The following CCDC102B variants were observed in gnomAD, a reference collection of about 807,000 sequenced individuals.
CCDC102B encodes coiled-coil domain containing 102B, also known as coiled-coil domain-containing protein 102B.
A neutral mutation model predicts 57.4 loss-of-function variants in CCDC102B; 75 were observed. The observed-to-expected ratio is 1.31, with a 90% confidence interval of 1.08 to 1.58. The LOEUF is 1.58. CCDC102B is among the 40% of genes most tolerant of loss of function. The pLI is 0.00. For synonymous variants in CCDC102B, 206 were observed against 201.9 expected (o/e 1.02, Z -0.17); for missense variants, 636 against 582.6 (o/e 1.09, Z -0.94).
At chr18:68,807,720 C>G (rs1423477847) in intron 1 of CCDC102B, among the ~76,000 whole-genome samples, 6 of 152,052 alleles carry the variant, frequency 3.9e-5, no homozygotes, top group Non-Finnish European at 8.8e-5. Flanking sequence ...AGACAAACAA[C>G]TATGCAAAAA....
chr18:68,802,396 G>A (rs192132995), intron 1 of CCDC102B, among the ~76,000 whole-genome samples: 65 of 152,236 alleles, frequency 4.3e-4, no homozygotes, highest in African/African-American at 1.3e-3. Flanking sequence ...CAATTATGTC[G>A]TGCTACAAGT....
upstream of CCDC102B, among the ~76,000 whole-genome samples, chr18:68,797,401 T>G (rs1046939177): frequency 2.0e-5 from 3 of 152,092 alleles, no homozygotes; most frequent in Admixed American, 2.0e-4. Flanking sequence ...AGAGAAGCTC[T>G]TTTTTATGTG....
chr18:68,952,961 T>C (rs980805642), intron 6 of CCDC102B, among the ~76,000 whole-genome samples: 3 of 152,032 alleles, frequency 2.0e-5, no homozygotes, highest in Middle Eastern at 3.2e-3. Flanking sequence ...AACAAGTACT[T>C]GAAATTAGAA....
intron 6 of CCDC102B, among the ~76,000 whole-genome samples, chr18:68,930,409 T>C (rs533800505): frequency 1.3e-5 from 2 of 151,940 alleles, no homozygotes; most frequent in African/African-American, 2.4e-5. Context: ...TTTAAATATA[T>C]GGTAAAGTAA....
At chr18:68,977,685 A>T (rs564657764) in intron 6 of CCDC102B, among the ~76,000 whole-genome samples, 5 of 152,084 alleles carry the variant, frequency 3.3e-5, no homozygotes, top group African/African-American at 9.6e-5. Flanking sequence ...GAGACTGTCT[A>T]TGAGTCTGTG....
intron 6 of CCDC102B, among the ~76,000 whole-genome samples, chr18:68,909,122 CAGAA>C (rs1272969125): frequency 1.6e-5 from 2 of 123,146 alleles, no homozygotes; most frequent in South Asian, 2.5e-4. Context: ...AGATGAAACA[CAGAA>C]GGAAGGCAGG....
chr18:68,761,085 C>T (rs759722524), intron 2 of CCDC102B, among the ~76,000 whole-genome samples: 36 of 152,162 alleles, frequency 2.4e-4, no homozygotes, highest in South Asian at 8.3e-4. Flanking sequence ...CTATGGCTTT[C>T]CTTGCTCTGT....
At chr18:68,911,662 G>A (rs189855511) in intron 6 of CCDC102B, among the ~76,000 whole-genome samples, 4,042 of 142,192 alleles carry the variant, frequency 0.028, 88 homozygotes, top group Middle Eastern at 0.046. Flanking sequence ...TGAGGCAGGA[G>A]AATGGCGTGA....
intron 1 of CCDC102B, among the ~76,000 whole-genome samples, chr18:68,824,524 A>G (rs73458097): frequency 0.022 from 3,407 of 152,302 alleles, 101 homozygotes; most frequent in African/African-American, 0.064. Context: ...TGCTCTGGCC[A>G]GGATTTCGAG....
chr18:68,749,854 C>A (rs2033777263), intron 2 of CCDC102B, among the ~76,000 whole-genome samples: 1 of 152,118 alleles, frequency 6.6e-6, no homozygotes, highest in Non-Finnish European at 1.5e-5. Flanking sequence ...CAATACCATT[C>A]AGGACATAGG....
At chr18:69,030,282 T>G (rs556685198) in intron 7 of CCDC102B, among the ~76,000 whole-genome samples, 1 of 152,326 alleles carries the variant, frequency 6.6e-6, no homozygotes, top group Non-Finnish European at 1.5e-5. Context: ...AGTTCAAATC[T>G]TTTTTCTCTA....
At chr18:69,057,812 A>T (rs73457766), downstream of CCDC102B, among the ~76,000 whole-genome samples, 2,422 of 152,146 alleles carry the variant, frequency 0.016, 61 homozygotes, top group African/African-American at 0.055. Context: ...TCTTGCAGAT[A>T]AACAATTCAA....
At position 68,722,530 on chromosome 18, in the gene CCDC102B, C is replaced by T. The variant is rs138789799; in HGVS notation, c.-67+5936C>T. ...TTTGGATTTTTATTCCCAACTTCCT[C>T]CTACCAGACTTCAAGATAATATTAT... is the stretch of plus-strand genomic sequence containing the variant. On this transcript the variant is annotated intron_variant, in intron 2 of 3. Transcript: ENST00000578970. 7.3e-4 allele frequency among the ~76,000 whole-genome samples: 111 copies of T among 152,244 alleles called. No individual in the cohort carries two copies. The East Asian group carries it at 0.014, about 19-fold the overall frequency.
intron 2 of CCDC102B, among the ~76,000 whole-genome samples, chr18:68,838,277 A>G (rs2037472620): frequency 1.3e-5 from 2 of 152,222 alleles, no homozygotes; most frequent in Admixed American, 6.5e-5. Flanking sequence ...TTTTTAAAAT[A>G]TTCAACAGCT....
chr18:68,785,575 C>T (rs1350583982), intron 2 of CCDC102B, among the ~76,000 whole-genome samples: 1 of 150,902 alleles, frequency 6.6e-6, no homozygotes, highest in Non-Finnish European at 1.5e-5. Context: ...TCTCTGATGG[C>T]CAGTGATGAT....
chr18:68,968,478 T>A (rs1568359801), intron 6 of CCDC102B, among the ~76,000 whole-genome samples: 1 of 152,166 alleles, frequency 6.6e-6, no homozygotes, highest in Admixed American at 6.6e-5. Flanking sequence ...AAGTCTAAAT[T>A]TATAGTTTCT....
At chr18:69,043,938 A>G (rs967929978) in intron 7 of CCDC102B, among the ~76,000 whole-genome samples, 2 of 152,130 alleles carry the variant, frequency 1.3e-5, no homozygotes, top group Non-Finnish European at 2.9e-5. Flanking sequence ...AAATTGCATG[A>G]GAACTGCCCC....
At chr18:68,720,785 C>A (rs1327658963) in intron 2 of CCDC102B, among the ~76,000 whole-genome samples, 3 of 152,088 alleles carry the variant, frequency 2.0e-5, no homozygotes, top group East Asian at 3.9e-4. Flanking sequence ...TAGAAGACTC[C>A]TGACTCATAT....
intron 2 of CCDC102B, among the ~76,000 whole-genome samples, chr18:68,732,644 G>A (rs1255176938): frequency 2.0e-5 from 3 of 152,102 alleles, no homozygotes; most frequent in Non-Finnish European, 4.4e-5. Flanking sequence ...ACAGCGCCCG[G>A]CCTACTTGAA....
Sources: allele counts gnomAD v4.1 joint callset (sites outside exome capture counted in the v4.1 genomes callset), GRCh38; gene constraint gnomAD v4.1.1; transcripts MANE v1.5; gene names NCBI Gene and HGNC (gene_info 2026-07-23, HGNC 2026-07-21).